The following WSCD1 variants were observed in gnomAD, a reference collection of about 807,000 sequenced individuals.
The protein encoded by WSCD1 is WSC domain sialate O sulfotransferase 1, also known as sialate:O-sulfotransferase 1.
WSCD1 carries 41 observed loss-of-function variants against 60.4 expected under a neutral mutation model. That is an observed-to-expected ratio of 0.68 (90% confidence interval 0.53 to 0.88). The LOEUF is 0.88. Ranked by LOEUF, WSCD1 falls within the 40% of genes least tolerant of loss-of-function variation. The pLI is 0.00. For missense variants in WSCD1, 784 were observed against 796.2 expected, an observed-to-expected ratio of 0.98 and a Z score of 0.18; for synonymous variants, 361 against 332.5, an observed-to-expected ratio of 1.09 and a Z score of -0.93.
chr17:6,098,767 G>A (rs1288930677), intron 5 of WSCD1, among the ~76,000 whole-genome samples: 1 of 152,248 alleles, frequency 6.6e-6, no homozygotes, highest in Admixed American at 6.5e-5. Context: ...GTGGGTATTG[G>A]CAGCGCATAT....
chr17:6,082,289 G>A (rs887076403), intron 2 of WSCD1, among the ~76,000 whole-genome samples: 3 of 152,186 alleles, frequency 2.0e-5, no homozygotes, highest in Admixed American at 6.5e-5. Flanking sequence ...ACTAGTGGGG[G>A]CGCGGGAAGT....
Position 6,120,678 on chromosome 17 carries a change from C to T in WSCD1, c.*17C>T, listed in dbSNP as rs370289901. The T allele has an allele frequency of 3.0e-5, 47 of 1,590,730 alleles. No homozygotes were observed. The highest frequency in any genetic ancestry group is 2.7e-4 in the East Asian group (12 of 44,534). On this transcript the variant is annotated 3_prime_UTR_variant, in exon 9 of 9. Coordinates refer to ENST00000317744, the MANE Select transcript of WSCD1 (RefSeq NM_015253.2). The stretch of plus-strand genomic sequence containing the variant: ...CCCAGATGATAGGCCTGGCCCACGC[C>T]GCCGCCCCCGCTGAGTGACGCAATC...
At chr17:6,109,570 C>A in intron 5 of WSCD1, 37 bp from the exon 6 acceptor site, 1 of 1,601,776 alleles carries the variant, frequency 6.2e-7, no homozygotes, top group Non-Finnish European at 8.5e-7. Context: ...CCCTCAAATT[C>A]ACTCAGTGTG....
intron 4 of WSCD1, among the ~76,000 whole-genome samples, chr17:6,093,398 T>C (rs755069328): frequency 2.0e-5 from 3 of 152,194 alleles, no homozygotes; most frequent in Non-Finnish European, 4.4e-5. Context: ...AGGATGTAGC[T>C]TCCCCCCAGG....
intron 5 of WSCD1, among the ~76,000 whole-genome samples, chr17:6,102,238 T>C (rs1488199969): frequency 6.6e-6 from 1 of 152,242 alleles, no homozygotes. Flanking sequence ...ATATGGAACC[T>C]GTTTGTTCTC....
rs186063509 is a variant in WSCD1, at chr17:6,072,167, C to A, written c.-289+1515C>A. ...TGCCCTATGGGGTACTGCCCTGTGGCCTGTGGCATGTCTGGTTGGAAGTGA... is the reference window on the plus strand; with the variant it reads ...TGCCCTATGGGGTACTGCCCTGTGGACTGTGGCATGTCTGGTTGGAAGTGA... On this transcript the variant is annotated intron_variant, in intron 1 of 8. Coordinates refer to ENST00000317744, the MANE Select transcript of WSCD1 (RefSeq NM_015253.2). Among the ~76,000 whole-genome samples the A allele has an allele frequency of 1.8e-3, 281 of 152,352 alleles. 1 individual carries two copies. Among genetic ancestry groups the A allele is most frequent in the Non-Finnish European group, 2.4e-3 (162 of 68,032 alleles).
At chr17:6,079,019 A>C (rs1219168919) in intron 1 of WSCD1, among the ~76,000 whole-genome samples, 1 of 152,012 alleles carries the variant, frequency 6.6e-6, no homozygotes, top group Admixed American at 6.5e-5. Context: ...TGAGTCTGCT[A>C]CCTCCGCCCC....
At chr17:6,086,636 G>T (rs1909669944) in intron 2 of WSCD1, among the ~76,000 whole-genome samples, 1 of 152,200 alleles carries the variant, frequency 6.6e-6, no homozygotes, top group African/African-American at 2.4e-5. Flanking sequence ...TTATAGGTGT[G>T]AGCCACAGCA....
rs527759428 is a variant in WSCD1, at chr17:6,075,550, T to G, written c.-288-4821T>G. 3.9e-5 allele frequency among the ~76,000 whole-genome samples: 6 copies of G among 152,182 alleles called. 1 individual carries two copies. The highest frequency in any genetic ancestry group is 3.9e-4 in the Admixed American group (6 of 15,292). ...ACAAAGTAATAGACAAAAGCTCAGG[T>G]TGTCTGAATATCCAGGTGCTCTGGG... On this transcript the variant is annotated intron_variant, in intron 1 of 8. Transcript: ENST00000317744. This position sits in a 1 kb window ranked among gnomAD's most constrained non-coding sequence, Gnocchi z 4.1.
intron 4 of WSCD1, among the ~76,000 whole-genome samples, chr17:6,094,315 G>C (rs1173138341): frequency 6.6e-6 from 1 of 152,184 alleles, no homozygotes. Context: ...AATTGAGTGG[G>C]AGTTCAAGAT....
chr17:6,102,525 ATTG>A (rs1910866127), intron 5 of WSCD1, among the ~76,000 whole-genome samples: 1 of 152,326 alleles, frequency 6.6e-6, no homozygotes, highest in Admixed American at 6.5e-5. Flanking sequence ...AAAAACACGT[ATTG>A]TTTGTTTTTC....
rs1904802794 is a variant in WSCD1, at chr17:6,122,923, G to A, written c.*2262G>A. On this transcript the variant is annotated 3_prime_UTR_variant, in exon 9 of 9. Transcript: ENST00000317744. ...CCATACAGCAAGACACCTGGCACTT[G>A]GCAGGTACTCCTGGATGTTGATGAG... The A allele has an allele frequency of 6.6e-6, 1 of 152,226 alleles. No homozygotes were observed. Among genetic ancestry groups the A allele is most frequent in the Non-Finnish European group, 1.5e-5 (1 of 68,084 alleles). 9.4% of individuals were successfully genotyped at this position (152,226 alleles called of 1,614,324 possible). A position where few individuals can be genotyped will look rare whatever the true frequency, so the allele number is the denominator to read the frequency against.
At chr17:6,079,102 C>T (rs879923866) in intron 1 of WSCD1, among the ~76,000 whole-genome samples, 29 of 152,226 alleles carry the variant, frequency 1.9e-4, no homozygotes, top group Non-Finnish European at 3.7e-4. Context: ...TGGCGGCCCT[C>T]GCCATTTACT....
Position 6,124,017 on chromosome 17 carries a change from G to A in WSCD1, c.*3356G>A, listed in dbSNP as rs1904866280. 2 of 152,150 alleles carry A rather than the reference G, an allele frequency of 1.3e-5. No homozygotes were observed. Among genetic ancestry groups the A allele is most frequent in the African/African-American group, 4.8e-5 (2 of 41,432 alleles). 9.4% of individuals were successfully genotyped at this position (152,150 alleles called of 1,614,324 possible). The stretch of plus-strand genomic sequence containing the variant: ...CCCATTTCTGTTTGGGAATTCATAT[G>A]ATCTGCCAGAGCCTCTCCAGGGGTG... On this transcript the variant is annotated 3_prime_UTR_variant, in exon 9 of 9. Transcript: ENST00000317744.
chr17:6,084,829 G>A (rs957678482), intron 2 of WSCD1: 2 of 152,202 alleles, frequency 1.3e-5, no homozygotes, highest in Admixed American at 1.3e-4. Context: ...TGTATCCCTC[G>A]GAAGTTCTTT....
At position 6,070,650 on chromosome 17, in the gene WSCD1, G is replaced by T. The variant is rs1391550222; in HGVS notation, c.-291G>T. On this transcript the variant is annotated splice_region_variant and 5_prime_UTR_variant, in exon 1 of 9. Transcript: ENST00000317744. ...GGGCGCCCCAGCCGGCCGCGATCGC[G>T]GGGTGAGTCCTGTCTCTCGGCGCTC... 1 of 150,354 alleles carries T rather than the reference G, an allele frequency of 6.7e-6. No individual in the cohort carries two copies. Among genetic ancestry groups the T allele is most frequent in the East Asian group, 2.0e-4 (1 of 5,066 alleles). 9.3% of individuals were successfully genotyped at this position (150,354 alleles called of 1,614,324 possible).
chr17:6,090,598 G>A, intron 4 of WSCD1, 93 bp downstream of exon 4: 1 of 1,505,218 alleles, frequency 6.6e-7, no homozygotes, highest in Non-Finnish European at 8.9e-7. Context: ...ACTACCTGGG[G>A]CAGAACCTGT....
At chr17:6,092,206 G>T (rs959900197) in intron 4 of WSCD1, among the ~76,000 whole-genome samples, 3 of 151,940 alleles carry the variant, frequency 2.0e-5, no homozygotes, top group African/African-American at 7.3e-5. Context: ...GCTTCACAGG[G>T]GTTCTGGGGA....
In WSCD1 at chr17:6,110,856, A is replaced by G. The variant is rs2302837; in HGVS notation, c.1095A>G (p.Thr365=). ...CAAGCTTCCCAGGAGCCGGGAACACATGGGCACGGCACCTCATTGAGCATG... is the reference window on the plus strand; with the variant it reads ...CAAGCTTCCCAGGAGCCGGGAACACGTGGGCACGGCACCTCATTGAGCATG... ...ALSSFPGAGN[T]WARHLIEHAT... The change falls in exon 7 of 9, where the codon ACA becomes ACG. Residue 365 remains threonine (T), a synonymous_variant. Transcript: ENST00000317744. This position sits in a 1 kb window ranked among gnomAD's most constrained non-coding sequence, Gnocchi z 4.8. 0.93 allele frequency: 1,493,036 copies of G among 1,613,744 alleles called. 691,461 individuals are homozygous for G. Among genetic ancestry groups the G allele is most frequent in the East Asian group, 0.95 (42,853 of 44,874 alleles).
Sources: gnomAD v4.1 joint callset for allele counts (sites outside exome capture counted in the v4.1 genomes callset) on GRCh38, gnomAD v4.1.1 for gene constraint, Gnocchi (gnomAD v3.1) non-coding constraint, MANE v1.5 for transcripts, NCBI Gene and HGNC (gene_info 2026-07-23, HGNC 2026-07-21) for gene names.